Variants in CACNA1B observed in about 807,000 individuals in gnomAD.
CACNA1B encodes voltage-dependent N-type calcium channel subunit alpha-1B.
In CACNA1B, 70 loss-of-function variants were observed where a neutral mutation model predicts 247.2. The ratio of observed to expected loss-of-function variants is 0.28; its 90% confidence interval spans 0.23 to 0.35. The LOEUF (loss-of-function observed/expected upper bound fraction) is 0.35. Ranked by LOEUF, CACNA1B falls within the 10% of genes least tolerant of loss-of-function variation. CACNA1B has a pLI of 1.00. For missense variants in CACNA1B, 2,367 were observed against 3,197.4 expected (o/e 0.74, Z 6.26); for synonymous variants, 1,231 against 1,294.4 (o/e 0.95, Z 1.05).
intron 6 of CACNA1B, among the ~76,000 whole-genome samples, chr9:137,923,274 T>TCCGTGGTG: frequency 6.7e-6 from 1 of 148,274 alleles, no homozygotes; most frequent in African/African-American, 2.5e-5. Context: ...CAGGTGGTAT[T>TCCGTGGTG]CCATGGTGCC....
intron 11 of CACNA1B, among the ~76,000 whole-genome samples, chr9:137,972,142 C>T (rs540573915): frequency 9.4e-4 from 140 of 148,396 alleles, no homozygotes; most frequent in Non-Finnish European, 1.5e-3. Context: ...GAGCTGTTTG[C>T]AGTTCTGTTC....
chr9:138,106,779 G>GT (rs766439202), intron 39 of CACNA1B, among the ~76,000 whole-genome samples: 1 of 152,136 alleles, frequency 6.6e-6, no homozygotes, highest in Non-Finnish European at 1.5e-5. Flanking sequence ...AACCAAAAAA[G>GT]TTATCTTCCC....
intron 3 of CACNA1B, among the ~76,000 whole-genome samples, chr9:137,897,424 A>G (rs1329167238): frequency 6.6e-6 from 1 of 152,070 alleles, no homozygotes; most frequent in Non-Finnish European, 1.5e-5. Context: ...TACTAAAAAT[A>G]CAAAAATTAG....
At chr9:137,949,790 C>A (rs1339652259) in intron 6 of CACNA1B, among the ~76,000 whole-genome samples, 1 of 152,044 alleles carries the variant, frequency 6.6e-6, no homozygotes, top group Non-Finnish European at 1.5e-5. Context: ...TTACAGAGAG[C>A]AGTGGTCTTC....
chr9:138,089,688 A>G (rs1311085889), intron 36 of CACNA1B, among the ~76,000 whole-genome samples: 1 of 152,220 alleles, frequency 6.6e-6, no homozygotes, highest in Non-Finnish European at 1.5e-5. Flanking sequence ...CAAACTGGAA[A>G]GAAGGAAGTC....
intron 15 of CACNA1B, among the ~76,000 whole-genome samples, chr9:137,995,960 A>C (rs953978735): frequency 1.6e-4 from 24 of 152,254 alleles, no homozygotes; most frequent in African/African-American, 5.8e-4. Flanking sequence ...CCACAGTGTG[A>C]TACCACCTCA....
Position 138,023,128 on chromosome 9 carries a change from G to C in CACNA1B, c.2385G>C (p.Glu795Asp), listed in dbSNP as rs199877794. Residue 795 changes from glutamate to aspartate, a missense_variant, in exon 19 of 47, where the codon GAG (glutamate) becomes GAC (aspartate). Glu to Asp is a conservative substitution (Grantham distance 45). Coordinates refer to ENST00000371372, the MANE Select transcript of CACNA1B (RefSeq NM_000718.4). Reference sequence around the variant, plus strand: ...TGTACAGCGAGATGGACCCCGAGGAGCGGCTGCGCTTCGCCACTACGCGCC... The same window carrying C: ...TGTACAGCGAGATGGACCCCGAGGACCGGCTGCGCTTCGCCACTACGCGCC... The part of the protein sequence containing the change: ...EALYSEMDPE[E>D]RLRFATTRHL... The C allele has an allele frequency of 2.7e-4, 414 of 1,536,788 alleles. No individual in the cohort carries two copies. Among genetic ancestry groups the C allele is most frequent in the Non-Finnish European group, 3.4e-4 (394 of 1,149,332 alleles).
At chr9:137,935,807 C>G (rs919191218) in intron 6 of CACNA1B, among the ~76,000 whole-genome samples, 1 of 151,988 alleles carries the variant, frequency 6.6e-6, no homozygotes, top group Non-Finnish European at 1.5e-5. Flanking sequence ...CGGAGTCTCA[C>G]TCTGTTGCCC....
chr9:138,103,370 A>G (rs530728008), intron 38 of CACNA1B, among the ~76,000 whole-genome samples: 2 of 152,302 alleles, frequency 1.3e-5, no homozygotes, highest in African/African-American at 2.4e-5. Flanking sequence ...ATGGTGGGGA[A>G]GAGGCACTGT....
chr9:138,115,605 G>A lies in CACNA1B; in HGVS notation c.5703G>A (p.Gln1901=). 1 of 1,613,784 alleles carries A rather than the reference G, an allele frequency of 6.2e-7. No individual in the cohort carries two copies. Among genetic ancestry groups the A allele is most frequent in the Non-Finnish European group, 8.5e-7 (1 of 1,179,798 alleles). ...HPLKATLEQT[Q]PAVLRGARVF... ...TGAAGGCCACCCTGGAGCAGACACAGCCGGCTGTGCTCCGAGGAGCCCGGG... is the reference window on the plus strand; with the variant it reads ...TGAAGGCCACCCTGGAGCAGACACAACCGGCTGTGCTCCGAGGAGCCCGGG... The change falls in exon 42 of 47, where the codon CAG becomes CAA. Residue 1901 remains glutamine, a synonymous_variant. Coordinates refer to ENST00000371372, the MANE Select transcript of CACNA1B (RefSeq NM_000718.4).
At chr9:138,000,288 CA>C (rs571530830) in intron 15 of CACNA1B, among the ~76,000 whole-genome samples, 2 of 152,080 alleles carry the variant, frequency 1.3e-5, no homozygotes, top group South Asian at 2.1e-4. Context: ...TTAGTAGAGA[CA>C]GGGTTTCACC....
At position 138,119,668 on chromosome 9, in the gene CACNA1B, T is replaced by C. The variant is rs141399608; in HGVS notation, c.6031-497T>C. Among the ~76,000 whole-genome samples, 45 of 152,296 alleles carry C rather than the reference T, an allele frequency of 3.0e-4. No homozygotes were observed. In the East Asian group the frequency reaches 8.7e-3, roughly 29 times the overall value. Reference sequence around the variant, plus strand: ...CTTTCCCCGCCCAGTGGTACCCTCCTGGGTGCTGCCTGGTGGGTGGGTGCA... The same window carrying C: ...CTTTCCCCGCCCAGTGGTACCCTCCCGGGTGCTGCCTGGTGGGTGGGTGCA... On this transcript the variant is annotated intron_variant, in intron 44 of 46. Transcript: ENST00000371372.
chr9:137,994,566 C>T (rs1163350053), intron 15 of CACNA1B, among the ~76,000 whole-genome samples: 1 of 152,160 alleles, frequency 6.6e-6, no homozygotes, highest in Admixed American at 6.5e-5. Flanking sequence ...ACATTAACAG[C>T]GATCAAGCTG....
intron 10 of CACNA1B, among the ~76,000 whole-genome samples, chr9:137,964,156 TGA>T (rs774232878): frequency 8.5e-5 from 13 of 152,218 alleles, no homozygotes; most frequent in Non-Finnish European, 1.3e-4. Flanking sequence ...GAGAGTCTGA[TGA>T]TTATGTGTCT....
intron 13 of CACNA1B, among the ~76,000 whole-genome samples, chr9:137,984,645 C>A (rs944579094): frequency 6.6e-6 from 1 of 152,192 alleles, no homozygotes; most frequent in African/African-American, 2.4e-5. Context: ...ACCTCCCCTG[C>A]AGCTCCACCC....
chr9:138,023,180 C>G lies in CACNA1B; in HGVS notation c.2437C>G (p.Leu813Val), dbSNP rs1368694083. 6.6e-7 allele frequency: 1 copy of G among 1,525,256 alleles called. No homozygotes were observed. Among genetic ancestry groups the G allele is most frequent in the Admixed American group, 2.0e-5 (1 of 50,154 alleles). The allele number at this position is 1,525,256 out of a possible 1,614,324, so 94.5% of individuals were successfully genotyped here. A position where few individuals can be genotyped will look rare whatever the true frequency, so the allele number is the denominator to read the frequency against. The change falls in exon 19 of 47, where the codon CTG becomes GTG. Residue 813 changes from leucine (L) to valine (V), a missense_variant. Leu to Val is a conservative substitution (Grantham distance 32). Transcript: ENST00000371372. ...RHLRPDMKTH[L>V]DRPLVVELGR... ...CCTGCGGCCCGACATGAAGACGCAC[C>G]TGGACCGGCCGCTGGTGGTGGAGCT...
intron 6 of CACNA1B, among the ~76,000 whole-genome samples, chr9:137,918,213 G>T (rs577910485): frequency 2.6e-5 from 4 of 152,162 alleles, no homozygotes; most frequent in Middle Eastern, 3.4e-3. Flanking sequence ...TAAGGCTTGG[G>T]GGGGGTGCCT....
chr9:137,904,542 T>A (rs1957276356), intron 3 of CACNA1B, among the ~76,000 whole-genome samples: 1 of 150,956 alleles, frequency 6.6e-6, no homozygotes, highest in Non-Finnish European at 1.5e-5. Flanking sequence ...TTAAAAAAAT[T>A]TTTTTTTTGT....
At chr9:138,046,092 T>C (rs950236306) in intron 21 of CACNA1B, among the ~76,000 whole-genome samples, 4 of 152,168 alleles carry the variant, frequency 2.6e-5, no homozygotes, top group East Asian at 1.9e-4. Flanking sequence ...CACTCTCACG[T>C]TGTGGCTCTG....
Sources: allele counts gnomAD v4.1 joint callset (sites outside exome capture counted in the v4.1 genomes callset), GRCh38; gene constraint gnomAD v4.1.1; transcripts MANE v1.5; gene names NCBI Gene and HGNC (gene_info 2026-07-23, HGNC 2026-07-21).